Variants in TTBK2 observed in about 807,000 individuals in gnomAD.
The protein encoded by TTBK2 is tau tubulin kinase 2, also known as tau-tubulin kinase 2.
In TTBK2, 28 loss-of-function variants were observed where a neutral mutation model predicts 110.8. That is an observed-to-expected ratio of 0.25 (90% CI 0.19 to 0.35). The LOEUF is 0.35. Among genes scored for constraint, TTBK2 ranks in the 10% least tolerant of loss-of-function variants. The pLI, the probability that TTBK2 is intolerant of heterozygous loss-of-function variation, is 1.00. For synonymous variants in TTBK2, 532 were observed against 527.3 expected (o/e 1.01, Z -0.12); for missense variants, 1,369 against 1,500.3 (o/e 0.91, Z 1.45).
At chr15:42,818,475 TTTGG>T (rs1892135462) in intron 6 of TTBK2, among the ~76,000 whole-genome samples, 1 of 152,034 alleles carries the variant, frequency 6.6e-6, no homozygotes, top group Non-Finnish European at 1.5e-5. Context: ...ATCCCAGCAC[TTTGG>T]GAGGCTGAGG....
chr15:42,840,379 T>C lies in TTBK2; in HGVS notation c.272A>G (p.Tyr91Cys). 1 of 1,614,004 alleles carries C rather than the reference T, an allele frequency of 6.2e-7. No individual in the cohort carries two copies. The highest frequency in any genetic ancestry group is 1.7e-5 in the Admixed American group (1 of 60,024). Residue 91 changes from tyrosine (Y) to cysteine (C), a missense_variant, in exon 4 of 15, where the codon TAT (tyrosine) becomes TGT (cysteine). This residue lies in a region of TTBK2 where 122 missense variants were observed against 159.7 expected (regional missense o/e 0.76). Transcript: ENST00000267890. ...IGCGRNDRFNYVVMQLQGRNL... is the reference protein window; with the variant it reads ...IGCGRNDRFNCVVMQLQGRNL... ...ACCTACCTGCAACTGCATGACCACA[T>C]AGTTGAATCGATCATTCCTCCCACA...
intron 14 of TTBK2, among the ~76,000 whole-genome samples, chr15:42,749,415 T>C (rs902561445): frequency 6.6e-6 from 1 of 152,214 alleles, no homozygotes; most frequent in African/African-American, 2.4e-5. Flanking sequence ...CAGTTAATTT[T>C]AGTCTATTTC....
Position 42,770,521 on chromosome 15 carries a change from A to C in TTBK2, c.1998+4614T>G, listed in dbSNP as rs370954196. 9.7e-4 allele frequency among the ~76,000 whole-genome samples: 148 copies of C among 152,352 alleles called. 1 individual carries two copies. The highest frequency in any genetic ancestry group is 3.4e-3 in the African/African-American group (143 of 41,582). ...CAAGTGATATTCCAGTCTGTACTCA[A>C]GCACTTCACAAATGGGCTTTCTTTA... On this transcript the variant is annotated intron_variant, in intron 13 of 14. Transcript: ENST00000267890.
In TTBK2 at chr15:42,810,603, AAG is replaced by A; in HGVS notation, c.822+9_822+10del. ...AAATAACTAACCCACAGAACTCACA[AAG>A]ATGGTTACCTGGTAGTCTGGTTTTG... On this transcript the variant is annotated intron_variant, in intron 9 of 14. Transcript: ENST00000267890. 1.9e-6 allele frequency: 3 copies of A among 1,613,584 alleles called. No homozygotes were observed. The highest frequency in any genetic ancestry group is 2.5e-6 in the Non-Finnish European group (3 of 1,179,748).
chr15:42,838,690 G>C (rs1893095531), intron 4 of TTBK2, among the ~76,000 whole-genome samples: 1 of 151,876 alleles, frequency 6.6e-6, no homozygotes, highest in South Asian at 2.1e-4. Context: ...GTGGAGCACA[G>C]CTGTACTCCC....
At chr15:42,766,490 C>CTGATAAAA (rs1889385485) in intron 13 of TTBK2, among the ~76,000 whole-genome samples, 1 of 137,304 alleles carries the variant, frequency 7.3e-6, no homozygotes, top group Admixed American at 7.1e-5. Context: ...ATCCTAGTCT[C>CTGATAAAA]TGATAAAACA....
chr15:42,852,029 C>G (rs1001768274), intron 3 of TTBK2, among the ~76,000 whole-genome samples: 1 of 151,276 alleles, frequency 6.6e-6, no homozygotes, highest in Admixed American at 6.6e-5. Flanking sequence ...CGTTAGCACT[C>G]AAACAAGTAG....
In TTBK2 at chr15:42,752,715, A is replaced by C. The variant is rs746933602; in HGVS notation, c.2531T>G (p.Met844Arg). Residue 844 changes from methionine (M) to arginine (R), a missense_variant, in exon 14 of 15, where the codon ATG (methionine) becomes AGG (arginine). By Grantham distance (91) the Met-to-Arg change is moderately conservative (BLOSUM62 -1). Around this residue, in one of 4 missense-constraint regions of TTBK2, gnomAD observed 1,097 missense variants for 1,114.7 expected, o/e 0.98. Transcript: ENST00000267890. ...TGAAGTTCCAACTGTCAGAAGCTTC[A>C]TTATCTCATTATTTTTGTCTTGATT... ...VPNQDKNNEI[M>R]KLLTVGTSEI... The C allele has an allele frequency of 1.2e-6, 2 of 1,614,018 alleles. No individual in the cohort carries two copies. The highest frequency in any genetic ancestry group is 2.7e-5 in the African/African-American group (2 of 74,900).
intron 1 of TTBK2, among the ~76,000 whole-genome samples, chr15:42,885,803 T>C (rs1685281335): frequency 6.6e-6 from 1 of 152,102 alleles, no homozygotes; most frequent in South Asian, 2.1e-4. Context: ...CATTCCTCCT[T>C]CTTCTCCCTT....
chr15:42,784,048 C>T (rs147806921), intron 10 of TTBK2, among the ~76,000 whole-genome samples: 6 of 150,156 alleles, frequency 4.0e-5, no homozygotes, highest in East Asian at 2.0e-4. Context: ...GGTGACAGAG[C>T]GAGACTCCAG....
chr15:42,789,820 T>C (rs964616315), intron 10 of TTBK2, among the ~76,000 whole-genome samples: 4 of 144,458 alleles, frequency 2.8e-5, no homozygotes, highest in Admixed American at 6.8e-5. Flanking sequence ...CTATATTCCA[T>C]TGTGTGTGCA....
chr15:42,846,282 C>G (rs1484154857), intron 3 of TTBK2, among the ~76,000 whole-genome samples: 1 of 151,760 alleles, frequency 6.6e-6, no homozygotes. Context: ...CTCTGCCTCC[C>G]AGGTTCAAGC....
At chr15:42,771,710 C>T (rs1369693136) in intron 13 of TTBK2, among the ~76,000 whole-genome samples, 1 of 152,138 alleles carries the variant, frequency 6.6e-6, no homozygotes, top group Non-Finnish European at 1.5e-5. Flanking sequence ...TGGTACTGTT[C>T]CTTCTTTGTG....
At chr15:42,858,068 C>CA (rs541955414) in intron 3 of TTBK2, among the ~76,000 whole-genome samples, 30 of 149,318 alleles carry the variant, frequency 2.0e-4, no homozygotes, top group South Asian at 6.4e-4. Flanking sequence ...GACCTTGTCT[C>CA]AAAAAAAAAC....
At chr15:42,898,741 G>A (rs1318799171) in intron 1 of TTBK2, among the ~76,000 whole-genome samples, 1 of 152,174 alleles carries the variant, frequency 6.6e-6, no homozygotes, top group Non-Finnish European at 1.5e-5. Context: ...TTCCATAGTG[G>A]AAAGCTGGTA....
At chr15:42,790,806 TCTC>T (rs1320373739) in intron 10 of TTBK2, among the ~76,000 whole-genome samples, 1 of 152,066 alleles carries the variant, frequency 6.6e-6, no homozygotes, top group Non-Finnish European at 1.5e-5. Context: ...TTCAAGCAAT[TCTC>T]CTGCCTCAGC....
chr15:42,885,068 C>T (rs1408277238), intron 1 of TTBK2, among the ~76,000 whole-genome samples: 6 of 152,178 alleles, frequency 3.9e-5, no homozygotes, highest in African/African-American at 1.4e-4. Flanking sequence ...AATGATAATC[C>T]CACCACCCTT....
At chr15:42,758,587 A>G (rs1341461028) in intron 13 of TTBK2, among the ~76,000 whole-genome samples, 1 of 149,528 alleles carries the variant, frequency 6.7e-6, no homozygotes, top group African/African-American at 2.5e-5. Flanking sequence ...CCCATGAGGC[A>G]GAGGTTGTGG....
At chr15:42,878,228 C>T (rs1176681682) in intron 2 of TTBK2, among the ~76,000 whole-genome samples, 3 of 151,410 alleles carry the variant, frequency 2.0e-5, no homozygotes, top group Non-Finnish European at 4.4e-5. Context: ...GTGATCCGCC[C>T]GCCTCGGCCT....
Sources: gnomAD v4.1 joint callset for allele counts (sites outside exome capture counted in the v4.1 genomes callset) on GRCh38, gnomAD v4.1.1 for gene constraint, gnomAD v4.1.1 regional missense constraint, MANE v1.5 for transcripts, NCBI Gene and HGNC (gene_info 2026-07-23, HGNC 2026-07-21) for gene names.